The following GPC6 variants were observed in gnomAD, a reference collection of about 807,000 sequenced individuals.
GPC6 encodes the protein glypican-6.
In GPC6, 14 loss-of-function variants were observed where a neutral mutation model predicts 55.2. That is an observed-to-expected ratio of 0.25 (90% CI 0.17 to 0.40). The LOEUF is 0.40. GPC6 is among the 10% of genes least tolerant of loss of function. The probability of loss-of-function intolerance (pLI) is 1.00; values close to 1 mark genes in which losing one functional copy is unlikely to be tolerated. For synonymous variants in GPC6, 278 were observed against 259.6 expected (o/e 1.07, Z -0.68); for missense variants, 641 against 708.5 (o/e 0.90, Z 1.08).
intron 3 of GPC6, among the ~76,000 whole-genome samples, chr13:93,924,358 C>A (rs1263116394): frequency 6.6e-6 from 1 of 152,194 alleles, no homozygotes; most frequent in East Asian, 1.9e-4. Context: ...CTGCACAGAG[C>A]TATTACAATC....
At chr13:93,405,742 G>A (rs1429534658) in intron 1 of GPC6, among the ~76,000 whole-genome samples, 1 of 152,048 alleles carries the variant, frequency 6.6e-6, no homozygotes, top group Non-Finnish European at 1.5e-5. Flanking sequence ...CAATAAAACA[G>A]AGATATGTTA....
intron 3 of GPC6, among the ~76,000 whole-genome samples, chr13:93,971,397 A>G (rs958189963): frequency 2.0e-5 from 3 of 152,332 alleles, no homozygotes; most frequent in African/African-American, 4.8e-5. Flanking sequence ...CTGAAAAACC[A>G]TAGTCTAAGC....
chr13:93,963,262 T>C (rs1460310314), intron 3 of GPC6, among the ~76,000 whole-genome samples: 2 of 152,160 alleles, frequency 1.3e-5, no homozygotes, highest in African/African-American at 4.8e-5. Flanking sequence ...GCTTTATTTT[T>C]TTTTTCTGCA....
chr13:94,033,640 G>T (rs752541125), intron 4 of GPC6, among the ~76,000 whole-genome samples: 1 of 152,098 alleles, frequency 6.6e-6, no homozygotes, highest in Non-Finnish European at 1.5e-5. Flanking sequence ...ACCTTCTCAG[G>T]CATAAAAGTC....
intron 1 of GPC6, among the ~76,000 whole-genome samples, chr13:93,434,832 A>T (rs1258915057): frequency 6.6e-6 from 1 of 151,806 alleles, no homozygotes; most frequent in Non-Finnish European, 1.5e-5. Context: ...TCCGCCTCCC[A>T]AGTAGCTGGA....
chr13:93,905,172 T>C (rs1356307137), intron 3 of GPC6, among the ~76,000 whole-genome samples: 1 of 151,816 alleles, frequency 6.6e-6, no homozygotes, highest in Non-Finnish European at 1.5e-5. Context: ...GTAGGGATGA[T>C]TATTTATTTA....
chr13:94,386,352 T>G (rs1880407149), intron 7 of GPC6, among the ~76,000 whole-genome samples: 1 of 142,602 alleles, frequency 7.0e-6, no homozygotes, highest in African/African-American at 2.7e-5. Flanking sequence ...AGAGCAAGAC[T>G]CTGTCTCAAA....
chr13:93,403,009 C>T (rs7320813), intron 1 of GPC6, among the ~76,000 whole-genome samples: 1,927 of 152,160 alleles, frequency 0.013, 50 homozygotes, highest in African/African-American at 0.043. Context: ...ATTTATAAAT[C>T]TAATTCTCTA....
chr13:93,754,475 A>C (rs779886118), intron 2 of GPC6, among the ~76,000 whole-genome samples: 6 of 152,142 alleles, frequency 3.9e-5, no homozygotes, highest in Non-Finnish European at 8.8e-5. Context: ...GAGATAAATA[A>C]TTAATCGCTT....
chr13:93,250,792 CA>C (rs1173921157), intron 1 of GPC6, among the ~76,000 whole-genome samples: 7 of 152,172 alleles, frequency 4.6e-5, no homozygotes, highest in Non-Finnish European at 1.5e-5. Context: ...GGCTTCCCAG[CA>C]TTGAGGCAAA....
chr13:93,742,783 TATTCAAGTGCTTTCAA>T (rs1338095652), intron 2 of GPC6, among the ~76,000 whole-genome samples: 6 of 152,178 alleles, frequency 3.9e-5, no homozygotes, highest in African/African-American at 1.4e-4. Context: ...ACAGAATCAA[TATTCAAGTGCTTTCAA>T]CAAGCTGGAA....
At chr13:94,395,411 T>A (rs1452325260) in intron 7 of GPC6, among the ~76,000 whole-genome samples, 2 of 152,230 alleles carry the variant, frequency 1.3e-5, no homozygotes, top group Non-Finnish European at 2.9e-5. Flanking sequence ...CAATGCACTC[T>A]GTGTGTTTTA....
intron 1 of GPC6, among the ~76,000 whole-genome samples, chr13:93,353,619 G>A (rs188735644): frequency 1.4e-4 from 22 of 152,328 alleles, no homozygotes; most frequent in Non-Finnish European, 2.6e-4. Flanking sequence ...TTTTATGATA[G>A]TATATTACTT....
intron 3 of GPC6, among the ~76,000 whole-genome samples, chr13:94,015,361 T>C (rs945869891): frequency 6.6e-6 from 1 of 152,200 alleles, no homozygotes; most frequent in African/African-American, 2.4e-5. Flanking sequence ...ATCTTTTGCC[T>C]GTTCTTTAAC....
At chr13:94,168,184 C>A (rs1411088933) in intron 4 of GPC6, among the ~76,000 whole-genome samples, 7 of 152,224 alleles carry the variant, frequency 4.6e-5, no homozygotes, top group Non-Finnish European at 1.0e-4. Flanking sequence ...CCCTCTGGCT[C>A]CAAAACCTGC....
intron 7 of GPC6, among the ~76,000 whole-genome samples, chr13:94,393,808 A>C (rs1276802411): frequency 6.6e-6 from 1 of 152,166 alleles, no homozygotes; most frequent in Non-Finnish European, 1.5e-5. Flanking sequence ...TACTCCCCCA[A>C]TATGCAGTGC....
At chr13:93,487,821 A>C (rs1441339223) in intron 1 of GPC6, among the ~76,000 whole-genome samples, 1 of 152,210 alleles carries the variant, frequency 6.6e-6, no homozygotes, top group Non-Finnish European at 1.5e-5. Flanking sequence ...TTAAAATTAA[A>C]ATTGTTTTGA....
In GPC6 at chr13:93,686,424, G is replaced by T. The variant is rs187020426; in HGVS notation, c.319+141003G>T. ...GCTGTCTTGAGATTAAGGGTGTTTG[G>T]AGTCTCTGTGATCCCATTGGAAGGA... On this transcript the variant is annotated intron_variant, in intron 2 of 8. Coordinates refer to ENST00000377047, the MANE Select transcript of GPC6 (RefSeq NM_005708.5). 1.1e-3 allele frequency among the ~76,000 whole-genome samples: 168 copies of T among 152,166 alleles called. 1 individual carries two copies. Among genetic ancestry groups the T allele is most frequent in the Middle Eastern group, 6.8e-3 (2 of 294 alleles).
chr13:93,755,660 T>A (rs1293132091), intron 2 of GPC6, among the ~76,000 whole-genome samples: 3 of 152,208 alleles, frequency 2.0e-5, no homozygotes, highest in Non-Finnish European at 4.4e-5. Flanking sequence ...CTAAAAGGGT[T>A]AAAAAGAGAT....
Sources: gnomAD v4.1 joint callset for allele counts (sites outside exome capture counted in the v4.1 genomes callset) on GRCh38, gnomAD v4.1.1 for gene constraint, MANE v1.5 for transcripts, NCBI Gene and HGNC (gene_info 2026-07-23, HGNC 2026-07-21) for gene names.